BCAT1: variants seen among roughly 807,000 people sequenced by gnomAD.
The protein encoded by BCAT1 is branched-chain-amino-acid aminotransferase, cytosolic.
In BCAT1, 48 loss-of-function variants were observed where a neutral mutation model predicts 52.4. The observed-to-expected ratio is 0.92, with a 90% confidence interval of 0.73 to 1.16. The LOEUF is 1.16. Among genes scored for constraint, BCAT1 ranks in the 50% most tolerant of loss-of-function variants. The pLI is 0.00. For missense variants in BCAT1, 451 were observed against 457.1 expected, an observed-to-expected ratio of 0.99 and a Z score of 0.12; for synonymous variants, 167 against 161.3, an observed-to-expected ratio of 1.04 and a Z score of -0.27.
rs71063368 is a variant in BCAT1 at position 24,887,080 on chromosome 12, A to AATATAT, written c.280-5675_280-5670dup. 4.6e-3 allele frequency among the ~76,000 whole-genome samples: 187 copies of AATATAT among 40,592 alleles called. 7 individuals carry two copies. The highest frequency in any genetic ancestry group is 6.0e-3 in the Non-Finnish European group (113 of 18,934). The allele number at this position is 40,592 out of a possible 152,430, so 26.6% of individuals were successfully genotyped here. A position where few individuals can be genotyped will look rare whatever the true frequency, so the allele number is the denominator to read the frequency against. On this transcript the variant is annotated intron_variant, in intron 3 of 10. Coordinates refer to ENST00000261192, the MANE Select transcript of BCAT1 (RefSeq NM_005504.7). ...GCTAGCTAAAAAAAAAAAAAAAAAA[A>AATATAT]ATATATATATATATATATATATATA...
intron 1 of BCAT1, among the ~76,000 whole-genome samples, chr12:24,946,702 C>G (rs1943937253): frequency 6.6e-6 from 1 of 152,212 alleles, no homozygotes; most frequent in South Asian, 2.1e-4. Context: ...TCACAAAGCT[C>G]AGATCGCTCT....
At chr12:24,878,744 T>C in intron 4 of BCAT1, 95 bp from the exon 5 acceptor site, 1 of 1,186,644 alleles carries the variant, frequency 8.4e-7, no homozygotes. Context: ...GTTAAAAAAT[T>C]AATAATCCCA....
At chr12:24,833,268 C>T (rs529091935) in intron 8 of BCAT1, among the ~76,000 whole-genome samples, 1 of 152,284 alleles carries the variant, frequency 6.6e-6, no homozygotes, top group African/African-American at 2.4e-5. Context: ...CCTGTAATCT[C>T]TGCATTTGGG....
chr12:24,822,404 C>T (rs1253724272), intron 10 of BCAT1, among the ~76,000 whole-genome samples: 3 of 152,166 alleles, frequency 2.0e-5, no homozygotes, highest in South Asian at 4.1e-4. Flanking sequence ...AAGGTTTTTT[C>T]GGTGGCTGTT....
intron 2 of BCAT1, among the ~76,000 whole-genome samples, chr12:24,899,906 G>T (rs181235439): frequency 6.6e-6 from 1 of 152,292 alleles, no homozygotes; most frequent in East Asian, 1.9e-4. Flanking sequence ...ATGGCAGGGG[G>T]TGGGAAGGGT....
intron 3 of BCAT1, among the ~76,000 whole-genome samples, chr12:24,892,093 T>TTTC (rs1555112476): frequency 1.3e-5 from 2 of 150,836 alleles, no homozygotes; most frequent in African/African-American, 2.4e-5. Flanking sequence ...TGTTTTGTTT[T>TTTC]GTTTCAATAG....
intron 2 of BCAT1, among the ~76,000 whole-genome samples, chr12:24,896,693 G>T (rs1297853533): frequency 6.6e-6 from 1 of 152,140 alleles, no homozygotes; most frequent in Non-Finnish European, 1.5e-5. Flanking sequence ...CTTGAACCTG[G>T]GAGGCAGAGG....
chr12:24,844,458 T>C (rs1941271881), intron 6 of BCAT1, among the ~76,000 whole-genome samples: 1 of 151,870 alleles, frequency 6.6e-6, no homozygotes, highest in African/African-American at 2.4e-5. Flanking sequence ...AAATAAATAA[T>C]AATTTCAAGT....
Position 24,811,041 on chromosome 12 carries a change from C to A in BCAT1, c.*6967G>T, listed in dbSNP as rs776562642. The A allele has an allele frequency of 1.4e-4, 22 of 152,154 alleles. No individual in the cohort carries two copies. The highest frequency in any genetic ancestry group is 1.8e-4 in the Non-Finnish European group (12 of 68,016). The allele number at this position is 152,154 out of a possible 1,614,324, so 9.4% of individuals were successfully genotyped here. A position where few individuals can be genotyped will look rare whatever the true frequency, so the allele number is the denominator to read the frequency against. On this transcript the variant is annotated 3_prime_UTR_variant, in exon 11 of 11. Coordinates refer to ENST00000261192, the MANE Select transcript of BCAT1 (RefSeq NM_005504.7). ...ATGACAATGAATGGGAAGAGGTAAT[C>A]TACTCCCCCCATTCTGTGCAAATCT...
chr12:24,935,050 G>A (rs1321821519), intron 1 of BCAT1, among the ~76,000 whole-genome samples: 1 of 152,164 alleles, frequency 6.6e-6, no homozygotes, highest in Non-Finnish European at 1.5e-5. Context: ...GCTACCCAGT[G>A]ACTGCAGGAC....
chr12:24,851,334 C>T (rs979317588), intron 5 of BCAT1, among the ~76,000 whole-genome samples: 1 of 152,136 alleles, frequency 6.6e-6, no homozygotes, highest in African/African-American at 2.4e-5. Flanking sequence ...TGTAATGTTT[C>T]TGGAGGGATA....
intron 1 of BCAT1, among the ~76,000 whole-genome samples, chr12:24,924,110 C>T (rs887243182): frequency 1.3e-5 from 2 of 152,086 alleles, no homozygotes; most frequent in Admixed American, 6.5e-5. Flanking sequence ...TTCCCCTCAG[C>T]TTTCTGACCC....
chr12:24,819,421 T>C (rs957495191), intron 10 of BCAT1, among the ~76,000 whole-genome samples: 13 of 152,258 alleles, frequency 8.5e-5, no homozygotes, highest in Admixed American at 7.9e-4. Context: ...CTCAAATAAG[T>C]GGGGCTCTGG....
rs1041221334 is a variant in BCAT1, at chr12:24,816,538, G to T, written c.*1470C>A. 1 of 393,546 alleles carries T rather than the reference G, an allele frequency of 2.5e-6. No individual in the cohort carries two copies. The highest frequency in any genetic ancestry group is 4.4e-6 in the Non-Finnish European group (1 of 224,890). 24.4% of individuals were successfully genotyped at this position (393,546 alleles called of 1,614,324 possible). A position where few individuals can be genotyped will look rare whatever the true frequency, so the allele number is the denominator to read the frequency against. On this transcript the variant is annotated 3_prime_UTR_variant, in exon 11 of 11. Coordinates refer to ENST00000261192, the MANE Select transcript of BCAT1 (RefSeq NM_005504.7). ...ATCAAATCTCCATTCAAAGAAAAGA[G>T]CACCTGCAAAAACAGAGTATAAAAA...
At chr12:24,931,413 G>A (rs1189987328) in intron 1 of BCAT1, among the ~76,000 whole-genome samples, 2 of 152,072 alleles carry the variant, frequency 1.3e-5, no homozygotes, top group Non-Finnish European at 2.9e-5. Context: ...AAGAGGGAAA[G>A]CAGAGGAGAC....
At chr12:24,865,644 C>T (rs770905925) in intron 5 of BCAT1, among the ~76,000 whole-genome samples, 2 of 151,758 alleles carry the variant, frequency 1.3e-5, no homozygotes, top group Non-Finnish European at 2.9e-5. Flanking sequence ...TTATATGATA[C>T]ATATACATGT....
At chr12:24,834,141 T>A (rs1940821721) in intron 8 of BCAT1, 1 of 980,412 alleles carries the variant, frequency 1.0e-6, no homozygotes, top group Non-Finnish European at 1.2e-6. Context: ...ATATCTTTTA[T>A]GGAATAAAGA....
At chr12:24,934,366 T>C (rs1485754869) in intron 1 of BCAT1, among the ~76,000 whole-genome samples, 1 of 152,192 alleles carries the variant, frequency 6.6e-6, no homozygotes. Flanking sequence ...CTCTTTTCTT[T>C]ATAAATCACC....
At chr12:24,936,254 A>G (rs1943751108) in intron 1 of BCAT1, among the ~76,000 whole-genome samples, 1 of 152,170 alleles carries the variant, frequency 6.6e-6, no homozygotes, top group African/African-American at 2.4e-5. Context: ...TTTTTTTCTG[A>G]CGAAGTCTCA....
Sources: gnomAD v4.1 joint callset for allele counts (sites outside exome capture counted in the v4.1 genomes callset) on GRCh38, gnomAD v4.1.1 for gene constraint, MANE v1.5 for transcripts, NCBI Gene and HGNC (gene_info 2026-07-23, HGNC 2026-07-21) for gene names.